The following USH2A variants were observed in gnomAD, a reference collection of about 807,000 sequenced individuals.
USH2A encodes Usher syndrome 2A (autosomal recessive, mild).
A neutral mutation model predicts 538.9 loss-of-function variants in USH2A; 443 were observed. The observed-to-expected ratio is 0.82, with a 90% CI of 0.76 to 0.89. The LOEUF (loss-of-function observed/expected upper bound fraction) is 0.89. Ranked by LOEUF, USH2A falls within the 40% of genes least tolerant of loss-of-function variation. The pLI, the probability that USH2A is intolerant of heterozygous loss-of-function variation, is 0.00. For missense variants in USH2A, 6,633 were observed against 6,324.8 expected, an observed-to-expected ratio of 1.05 and a Z score of -1.65; for synonymous variants, 2,413 against 2,273.5, an observed-to-expected ratio of 1.06 and a Z score of -1.75.
rs890550287 is a variant in USH2A, at chr1:216,377,736, G to C, written c.652-12651C>G. Among the ~76,000 whole-genome samples, 7 of 115,352 alleles carry C rather than the reference G, an allele frequency of 6.1e-5. No individual in the cohort carries two copies. In the East Asian group the frequency reaches 1.6e-3, roughly 27 times the overall value. The allele number at this position is 115,352 out of a possible 152,430, so 75.7% of individuals were successfully genotyped here. A position where few individuals can be genotyped will look rare whatever the true frequency, so the allele number is the denominator to read the frequency against. On this transcript the variant is annotated intron_variant, in intron 3 of 71. Coordinates refer to ENST00000307340, the MANE Select transcript of USH2A (RefSeq NM_206933.4). ...GGGAGGGGGGAAGAGAGAAGAAAGA[G>C]AAAGAAAAAAAAAAGAAAGAAAGAA... is the stretch of plus-strand genomic sequence containing the variant.
rs1189864288 is a variant in USH2A at position 216,027,002 on chromosome 1, A to G, written c.6325+19429T>C. 2.6e-5 allele frequency among the ~76,000 whole-genome samples: 4 copies of G among 152,200 alleles called. No homozygotes were observed. The East Asian group carries it at 5.8e-4, about 22-fold the overall frequency. ...GCTTTATCCCCTCAAAAACTTGTGTATATAAATGTTTGCTTAATTTTTACT... is the reference window on the plus strand; with the variant it reads ...GCTTTATCCCCTCAAAAACTTGTGTGTATAAATGTTTGCTTAATTTTTACT... On this transcript the variant is annotated intron_variant, in intron 32 of 71. Coordinates refer to ENST00000307340, the MANE Select transcript of USH2A (RefSeq NM_206933.4).
At chr1:215,937,633 G>A (rs1283836230) in intron 37 of USH2A, among the ~76,000 whole-genome samples, 2 of 152,084 alleles carry the variant, frequency 1.3e-5, no homozygotes, top group Non-Finnish European at 2.9e-5. Context: ...TATTTCTGCT[G>A]TCATTACATG....
At chr1:215,945,090 G>C (rs1023307154) in intron 37 of USH2A, among the ~76,000 whole-genome samples, 2 of 152,046 alleles carry the variant, frequency 1.3e-5, no homozygotes, top group Admixed American at 1.3e-4. Context: ...TAGAGTCAGA[G>C]GCAAGAGAAC....
chr1:216,226,548 G>T (rs552335135), intron 14 of USH2A, among the ~76,000 whole-genome samples: 1 of 152,190 alleles, frequency 6.6e-6, no homozygotes, highest in African/African-American at 2.4e-5. Flanking sequence ...GCAGTCTATT[G>T]TCTCTGGTCC....
intron 52 of USH2A, among the ~76,000 whole-genome samples, chr1:215,785,887 ATTATGTCAC>A (rs1661783529): frequency 6.6e-6 from 1 of 151,470 alleles, no homozygotes; most frequent in South Asian, 2.1e-4. Flanking sequence ...GCTTGCTCAA[ATTATGTCAC>A]TTAAATGGAT....
At chr1:215,779,235 T>C (rs552246430) in intron 55 of USH2A, among the ~76,000 whole-genome samples, 1 of 152,308 alleles carries the variant, frequency 6.6e-6, no homozygotes, top group East Asian at 1.9e-4. Flanking sequence ...GAAGTGGCAT[T>C]TAAGCTAAAA....
chr1:215,971,153 G>A (rs1667486572), intron 35 of USH2A, among the ~76,000 whole-genome samples: 1 of 152,016 alleles, frequency 6.6e-6, no homozygotes, highest in Non-Finnish European at 1.5e-5. Flanking sequence ...GAAGTAAATC[G>A]ACCTTATTTG....
chr1:216,350,816 CA>C (rs1356236759), intron 4 of USH2A, among the ~76,000 whole-genome samples: 1 of 152,170 alleles, frequency 6.6e-6, no homozygotes, highest in Non-Finnish European at 1.5e-5. Context: ...GCCCTCTTCT[CA>C]CAGTTCCACA....
At chr1:215,700,562 C>A (rs895675274) in intron 61 of USH2A, among the ~76,000 whole-genome samples, 1 of 152,104 alleles carries the variant, frequency 6.6e-6, no homozygotes, top group Admixed American at 6.5e-5. Context: ...AGGAATTTAT[C>A]CATTTCTTCT....
chr1:215,936,295 A>C (rs753191231), intron 37 of USH2A, among the ~76,000 whole-genome samples: 8 of 152,070 alleles, frequency 5.3e-5, no homozygotes, highest in Non-Finnish European at 1.2e-4. Context: ...CTTGCATCGT[A>C]TAGTATACAA....
At chr1:215,965,685 C>T (rs1264496023) in intron 36 of USH2A, among the ~76,000 whole-genome samples, 1 of 152,040 alleles carries the variant, frequency 6.6e-6, no homozygotes, top group Non-Finnish European at 1.5e-5. Flanking sequence ...AATTTGAGCT[C>T]TTGACCAAGG....
At chr1:215,792,107 C>T (rs944832752) in intron 50 of USH2A, among the ~76,000 whole-genome samples, 1 of 152,088 alleles carries the variant, frequency 6.6e-6, no homozygotes, top group African/African-American at 2.4e-5. Flanking sequence ...GGAATATATT[C>T]TCCCCCTCTC....
intron 10 of USH2A, 37 bp from the exon 11 acceptor site, chr1:216,289,447 T>A (rs202187673): frequency 1.9e-6 from 3 of 1,613,192 alleles, no homozygotes; most frequent in Non-Finnish European, 2.5e-6. Context: ...TGACTTCTAA[T>A]TCATTAAAAT....
intron 47 of USH2A, among the ~76,000 whole-genome samples, chr1:215,832,071 C>T (rs1663335989): frequency 6.6e-6 from 1 of 151,820 alleles, no homozygotes; most frequent in Non-Finnish European, 1.5e-5. Flanking sequence ...TTTCTGCACC[C>T]ACAAGATGAC....
At chr1:216,215,745 T>G (rs1455175254) in intron 15 of USH2A, among the ~76,000 whole-genome samples, 2 of 152,050 alleles carry the variant, frequency 1.3e-5, no homozygotes, top group Non-Finnish European at 2.9e-5. Context: ...TTTAAAGAGA[T>G]AAAAAACCAA....
chr1:215,732,634 C>T (rs930426390), intron 60 of USH2A, among the ~76,000 whole-genome samples: 2 of 137,952 alleles, frequency 1.4e-5, no homozygotes, highest in African/African-American at 5.2e-5. Context: ...CTCCGCCTCC[C>T]AGGTTCACGC....
chr1:216,141,504 GT>G (rs1333113052), intron 21 of USH2A, among the ~76,000 whole-genome samples: 3 of 152,146 alleles, frequency 2.0e-5, no homozygotes, highest in Non-Finnish European at 2.9e-5. Flanking sequence ...TGTGTGCATG[GT>G]TGAGGGAGTC....
intron 47 of USH2A, among the ~76,000 whole-genome samples, chr1:215,830,407 G>A (rs1663278649): frequency 6.6e-6 from 1 of 152,198 alleles, no homozygotes; most frequent in Non-Finnish European, 1.5e-5. Flanking sequence ...GAGAAATCAG[G>A]AAATGGGGCC....
intron 61 of USH2A, among the ~76,000 whole-genome samples, chr1:215,727,019 T>A (rs1018315462): frequency 3.3e-5 from 5 of 152,116 alleles, no homozygotes; most frequent in Non-Finnish European, 7.4e-5. Flanking sequence ...CCATAGACCA[T>A]GAGGTTATGC....
Sources: gnomAD v4.1 joint callset for allele counts (sites outside exome capture counted in the v4.1 genomes callset) on GRCh38, gnomAD v4.1.1 for gene constraint, MANE v1.5 for transcripts, NCBI Gene and HGNC (gene_info 2026-07-23, HGNC 2026-07-21) for gene names.